The following AGBL1 variants were observed in gnomAD, a reference collection of about 807,000 sequenced individuals.
AGBL1 encodes the protein AGBL carboxypeptidase 1, also known as cytosolic carboxypeptidase 4.
AGBL1 carries 130 observed loss-of-function variants against 118.9 expected under a neutral mutation model. The ratio of observed to expected loss-of-function variants is 1.09; its 90% CI spans 0.95 to 1.26. The LOEUF is 1.26. Ranked by LOEUF, AGBL1 falls within the 50% of genes most tolerant of loss-of-function variation. AGBL1 has a pLI of 0.00. For missense variants in AGBL1, 1,584 were observed against 1,298.1 expected (o/e 1.22, Z -3.38); for synonymous variants, 555 against 478.9 (o/e 1.16, Z -2.08).
intron 21 of AGBL1, among the ~76,000 whole-genome samples, chr15:86,570,983 T>G (rs1270410422): frequency 1.3e-5 from 2 of 152,176 alleles, no homozygotes; most frequent in Non-Finnish European, 2.9e-5. Context: ...GTTTGTGGTC[T>G]GGCCGTTGCA....
intron 21 of AGBL1, among the ~76,000 whole-genome samples, chr15:86,599,360 C>T (rs2084460046): frequency 1.3e-5 from 2 of 151,846 alleles, no homozygotes; most frequent in Non-Finnish European, 2.9e-5. Context: ...CCATAAAGCC[C>T]AGGGACAAAT....
At chr15:86,896,632 T>C (rs2080131939) in intron 22 of AGBL1, among the ~76,000 whole-genome samples, 1 of 152,180 alleles carries the variant, frequency 6.6e-6, no homozygotes, top group African/African-American at 2.4e-5. Context: ...ATTTTTTGTT[T>C]CTTTTTTAAA....
intron 22 of AGBL1, among the ~76,000 whole-genome samples, chr15:86,699,967 T>G (rs2086328075): frequency 6.6e-6 from 1 of 152,096 alleles, no homozygotes; most frequent in African/African-American, 2.4e-5. Context: ...AAACGCCAAA[T>G]TGTTATTTTC....
At chr15:87,016,169 C>A (rs149090139) in intron 24 of AGBL1, among the ~76,000 whole-genome samples, 1 of 152,282 alleles carries the variant, frequency 6.6e-6, no homozygotes, top group Non-Finnish European at 1.5e-5. Flanking sequence ...AAAACGCAAA[C>A]TCTCAAGTAA....
At chr15:86,108,912 G>A (rs542045697) in intron 1 of AGBL1, among the ~76,000 whole-genome samples, 48 of 152,254 alleles carry the variant, frequency 3.2e-4, no homozygotes, top group African/African-American at 1.1e-3. Context: ...AGCCAAGATC[G>A]CGCCACTGCT....
intron 21 of AGBL1, among the ~76,000 whole-genome samples, chr15:86,564,244 G>A (rs946959212): frequency 1.3e-5 from 2 of 152,142 alleles, no homozygotes; most frequent in East Asian, 1.9e-4. Flanking sequence ...TTTACAATTT[G>A]GCACGTTTTT....
intron 1 of AGBL1, among the ~76,000 whole-genome samples, chr15:86,091,279 C>G (rs755483832): frequency 6.6e-6 from 1 of 152,176 alleles, no homozygotes; most frequent in African/African-American, 2.4e-5. Flanking sequence ...TATCAGCAGA[C>G]GCTTTCCTAC....
intron 18 of AGBL1, among the ~76,000 whole-genome samples, chr15:86,475,237 G>T (rs567454470): frequency 6.6e-6 from 1 of 152,158 alleles, no homozygotes; most frequent in Non-Finnish European, 1.5e-5. Context: ...TGACTTTGAC[G>T]CGCTGAGAGA....
At chr15:86,453,415 A>G (rs1181291464) in intron 18 of AGBL1, among the ~76,000 whole-genome samples, 1 of 152,218 alleles carries the variant, frequency 6.6e-6, no homozygotes, top group East Asian at 1.9e-4. Flanking sequence ...AAAATACATC[A>G]TGTCTAACAT....
intron 23 of AGBL1, among the ~76,000 whole-genome samples, chr15:86,945,269 T>G (rs1406907932): frequency 3.6e-5 from 5 of 139,480 alleles, no homozygotes; most frequent in East Asian, 4.3e-4. Context: ...AAAAAAAAAG[T>G]TATAAAGAAA....
At chr15:86,094,091 T>A (rs1896201989) in intron 1 of AGBL1, among the ~76,000 whole-genome samples, 1 of 152,170 alleles carries the variant, frequency 6.6e-6, no homozygotes, top group Non-Finnish European at 1.5e-5. Context: ...TACTGTCTGA[T>A]GTGGATATGT....
At chr15:86,088,558 G>A (rs1335377352) in intron 1 of AGBL1, among the ~76,000 whole-genome samples, 2 of 152,194 alleles carry the variant, frequency 1.3e-5, no homozygotes, top group Non-Finnish European at 1.5e-5. Context: ...ATAATGGTCT[G>A]CATTCAACAG....
intron 1 of AGBL1, among the ~76,000 whole-genome samples, chr15:86,095,886 A>T (rs910591054): frequency 2.6e-5 from 4 of 152,068 alleles, no homozygotes; most frequent in African/African-American, 9.7e-5. Flanking sequence ...ACCTTAGGCA[A>T]GCCATGTAAC....
chr15:86,593,615 A>G (rs1275887488), intron 21 of AGBL1, among the ~76,000 whole-genome samples: 2 of 152,184 alleles, frequency 1.3e-5, no homozygotes, highest in Admixed American at 6.6e-5. Flanking sequence ...GCTGGCATAT[A>G]ATTTATATAC....
intron 5 of AGBL1, among the ~76,000 whole-genome samples, chr15:86,213,125 G>C (rs372341245): frequency 6.6e-6 from 1 of 152,170 alleles, no homozygotes; most frequent in Non-Finnish European, 1.5e-5. Flanking sequence ...GTCTGGAACC[G>C]CAGACCTTAG....
intron 5 of AGBL1, among the ~76,000 whole-genome samples, chr15:86,217,567 G>C (rs141802532): frequency 1.3e-5 from 2 of 152,206 alleles, no homozygotes; most frequent in Admixed American, 6.5e-5. Context: ...CAGAGGACTA[G>C]GGGTCAAGGG....
chr15:86,568,266 T>C (rs1314557403), intron 21 of AGBL1, among the ~76,000 whole-genome samples: 2 of 152,150 alleles, frequency 1.3e-5, no homozygotes, highest in African/African-American at 2.4e-5. Context: ...AGAACAGATA[T>C]ATATAAAATT....
intron 22 of AGBL1, among the ~76,000 whole-genome samples, chr15:86,730,209 T>A (rs980147130): frequency 2.6e-5 from 4 of 152,100 alleles, no homozygotes; most frequent in African/African-American, 7.2e-5. Flanking sequence ...TGGCAAAAAA[T>A]TTATGACCAA....
intron 21 of AGBL1, among the ~76,000 whole-genome samples, chr15:86,649,923 A>G (rs1195076625): frequency 6.6e-6 from 1 of 152,232 alleles, no homozygotes; most frequent in Non-Finnish European, 1.5e-5. Flanking sequence ...CATTGTTATC[A>G]ATAACTCACT....
Sources: allele counts gnomAD v4.1 joint callset (sites outside exome capture counted in the v4.1 genomes callset), GRCh38; gene constraint gnomAD v4.1.1; transcripts MANE v1.5; gene names NCBI Gene and HGNC (gene_info 2026-07-23, HGNC 2026-07-21).